Variants in OPHN1 observed in about 807,000 individuals in gnomAD.
OPHN1 encodes oligophrenin-1.
Under a neutral mutation model 60.7 loss-of-function variants are expected in OPHN1, and 11 were observed. The ratio of observed to expected loss-of-function variants is 0.18; its 90% confidence interval spans 0.11 to 0.30. The LOEUF is 0.30. Among genes scored for constraint, OPHN1 ranks in the 10% least tolerant of loss-of-function variants. The pLI is 1.00. For synonymous variants in OPHN1, 226 were observed against 222.6 expected (o/e 1.02, Z -0.14); for missense variants, 449 against 611.0 (o/e 0.73, Z 2.80).
chrX:68,407,315 G>GT (rs2078748277), intron 2 of OPHN1, among the ~76,000 whole-genome samples: 1 of 112,338 alleles, frequency 8.9e-6, no homozygotes, highest in African/African-American at 3.2e-5. Context: ...AGCTCACTTG[G>GT]TATCTTTCAG....
intron 2 of OPHN1, among the ~76,000 whole-genome samples, chrX:68,351,179 G>T (rs949596997): frequency 9.0e-6 from 1 of 110,896 alleles, no homozygotes; most frequent in African/African-American, 3.3e-5. Context: ...CACCCACCTC[G>T]GCCTCCCAAA....
At chrX:68,056,808 G>A (rs2076874886) in intron 21 of OPHN1, among the ~76,000 whole-genome samples, 1 of 111,356 alleles carries the variant, frequency 9.0e-6, no homozygotes, top group Non-Finnish European at 1.9e-5. Context: ...TAGAGTGAGG[G>A]CTGAAACCCA....
At chrX:68,253,939 C>T (rs932352254) in intron 5 of OPHN1, among the ~76,000 whole-genome samples, 1 of 112,131 alleles carries the variant, frequency 8.9e-6, no homozygotes, top group Non-Finnish European at 1.9e-5. Flanking sequence ...CTACACATTC[C>T]GTCCCTGTGG....
At chrX:68,144,231 T>C (rs2077254764) in intron 15 of OPHN1, among the ~76,000 whole-genome samples, 1 of 110,140 alleles carries the variant, frequency 9.1e-6, no homozygotes, top group Non-Finnish European at 1.9e-5. Context: ...GGTTTTGCCA[T>C]GTTGCCCAGT....
chrX:68,336,106 A>G (rs1291339438), intron 2 of OPHN1, among the ~76,000 whole-genome samples: 1 of 111,240 alleles, frequency 9.0e-6, no homozygotes, highest in East Asian at 2.8e-4. Flanking sequence ...GCAGTTGACC[A>G]CAGAGAGTAA....
intron 2 of OPHN1, among the ~76,000 whole-genome samples, chrX:68,409,241 G>A (rs147463705): frequency 9.9e-4 from 110 of 111,641 alleles, no homozygotes; most frequent in African/African-American, 3.3e-3. Flanking sequence ...AGATTGCGTG[G>A]TTAGCAAAGA....
chrX:68,051,636 T>C (rs935813140), intron 23 of OPHN1, among the ~76,000 whole-genome samples: 1 of 110,846 alleles, frequency 9.0e-6, no homozygotes, highest in Non-Finnish European at 1.9e-5. Context: ...CATATCCCTG[T>C]CAGCTGCCCT....
intron 15 of OPHN1, among the ~76,000 whole-genome samples, chrX:68,158,978 C>T (rs1010666969): frequency 1.8e-5 from 2 of 111,449 alleles, no homozygotes; most frequent in African/African-American, 6.5e-5. Flanking sequence ...AAGAAGACCA[C>T]GGGTTACTGT....
intron 4 of OPHN1, among the ~76,000 whole-genome samples, chrX:68,279,069 G>A (rs145958851): frequency 0.01 from 935 of 90,252 alleles, 4 homozygotes; most frequent in Middle Eastern, 0.021. Context: ...TAAGAAGTGT[G>A]CAATTCAGAC....
chrX:68,070,413 A>G (rs1303500394), intron 20 of OPHN1: 1 of 522,333 alleles, frequency 1.9e-6, no homozygotes, highest in Non-Finnish European at 3.5e-6. Context: ...TCTCTTGGCC[A>G]CTAGCTGAAT....
At chrX:68,111,058 GC>G (rs1356154597) in intron 18 of OPHN1, among the ~76,000 whole-genome samples, 1 of 112,006 alleles carries the variant, frequency 8.9e-6, no homozygotes, top group Non-Finnish European at 1.9e-5. Context: ...TTTTGAGTAT[GC>G]AGACAACTGC....
intron 2 of OPHN1, among the ~76,000 whole-genome samples, chrX:68,314,383 T>A (rs2078188598): frequency 9.1e-6 from 1 of 109,766 alleles, no homozygotes; most frequent in East Asian, 2.9e-4. Context: ...TAGCCGGGCG[T>A]GGTAGCGCAT....
chrX:68,328,437 A>G (rs1302523633), intron 2 of OPHN1, among the ~76,000 whole-genome samples: 1 of 113,136 alleles, frequency 8.8e-6, no homozygotes, highest in Non-Finnish European at 1.9e-5. Context: ...CAAAACTTTT[A>G]AACTTTTAAA....
chrX:68,415,769 C>T (rs1232232527), intron 2 of OPHN1, among the ~76,000 whole-genome samples: 5 of 110,777 alleles, frequency 4.5e-5, no homozygotes, highest in Admixed American at 3.9e-4. Flanking sequence ...AATCCCAACA[C>T]TTTGGGAGGC....
chrX:68,338,847 G>A (rs763089595), intron 2 of OPHN1, among the ~76,000 whole-genome samples: 5 of 110,646 alleles, frequency 4.5e-5, no homozygotes, highest in South Asian at 3.8e-4. Flanking sequence ...GGCCAAGGCA[G>A]GAGGATCCCT....
intron 5 of OPHN1, among the ~76,000 whole-genome samples, chrX:68,242,491 C>T (rs2077786358): frequency 9.0e-6 from 1 of 111,588 alleles, no homozygotes; most frequent in Non-Finnish European, 1.9e-5. Context: ...ATGGTACAGG[C>T]ACCCAGGTAA....
At chrX:68,212,444 C>T (rs1195636674) in intron 7 of OPHN1, among the ~76,000 whole-genome samples, 1 of 110,520 alleles carries the variant, frequency 9.0e-6, no homozygotes, top group African/African-American at 3.3e-5. Flanking sequence ...AATTAGCTGG[C>T]CGTGGTGGCG....
chrX:68,262,509 C>T (rs1036494157), intron 5 of OPHN1, among the ~76,000 whole-genome samples: 3 of 112,036 alleles, frequency 2.7e-5, no homozygotes, highest in Non-Finnish European at 5.6e-5. Flanking sequence ...TCCAGCTGGG[C>T]GTGGTGGCTC....
At chrX:68,340,193 T>C (rs1261756475) in intron 2 of OPHN1, among the ~76,000 whole-genome samples, 1 of 112,199 alleles carries the variant, frequency 8.9e-6, no homozygotes, top group Non-Finnish European at 1.9e-5. Flanking sequence ...GCTGTCTTTC[T>C]GGCAGAAGTT....
Sources: allele counts gnomAD v4.1 joint callset (sites outside exome capture counted in the v4.1 genomes callset), GRCh38; gene constraint gnomAD v4.1.1; transcripts MANE v1.5; gene names NCBI Gene and HGNC (gene_info 2026-07-23, HGNC 2026-07-21).